The following SCHIP1 variants were observed in gnomAD, a reference collection of about 807,000 sequenced individuals.
The protein encoded by SCHIP1 is schwannomin-interacting protein 1.
A neutral mutation model predicts 29.7 loss-of-function variants in SCHIP1; 8 were observed. That is an observed-to-expected ratio of 0.27 (90% confidence interval 0.16 to 0.49). The LOEUF (loss-of-function observed/expected upper bound fraction) is 0.49. SCHIP1 is among the 20% of genes least tolerant of loss of function. SCHIP1 has a pLI of 0.99. For missense variants in SCHIP1, 193 were observed against 294.6 expected (o/e 0.66, Z 2.52); for synonymous variants, 76 against 94.9 (o/e 0.80, Z 1.16).
the SCHIP1 span, among the ~76,000 whole-genome samples, chr3:159,569,888 T>C: frequency 6.6e-6 from 1 of 152,216 alleles, no homozygotes; most frequent in South Asian, 2.1e-4. Context: ...TATCTCAGTG[T>C]GGTTTTGATT....
chr3:159,392,820 A>G, the SCHIP1 span, among the ~76,000 whole-genome samples: 1 of 152,276 alleles, frequency 6.6e-6, no homozygotes, highest in African/African-American at 2.4e-5. Context: ...TCCTTTGGGT[A>G]TATACCCAGT....
the SCHIP1 span, among the ~76,000 whole-genome samples, chr3:159,287,043 C>A: frequency 6.6e-6 from 1 of 152,018 alleles, no homozygotes; most frequent in Admixed American, 6.6e-5. Context: ...GTGATAGTTT[C>A]TTTTACTGTG....
chr3:159,433,578 T>G, the SCHIP1 span, among the ~76,000 whole-genome samples: 3 of 152,158 alleles, frequency 2.0e-5, no homozygotes, highest in Non-Finnish European at 4.4e-5. Flanking sequence ...AAATATGGTC[T>G]TTGGAGCCAG....
At chr3:159,786,376 T>G in the SCHIP1 span, among the ~76,000 whole-genome samples, 2 of 152,232 alleles carry the variant, frequency 1.3e-5, no homozygotes, top group East Asian at 3.8e-4. Context: ...CTTCAAAGTA[T>G]AATGAAATTA....
the SCHIP1 span, among the ~76,000 whole-genome samples, chr3:159,551,109 T>C: frequency 2.0e-5 from 3 of 152,134 alleles, no homozygotes; most frequent in Non-Finnish European, 2.9e-5. Context: ...TCTGTACAGA[T>C]GGATGGCTAA....
At chr3:159,745,621 A>G in the SCHIP1 span, among the ~76,000 whole-genome samples, 1 of 152,144 alleles carries the variant, frequency 6.6e-6, no homozygotes, top group Non-Finnish European at 1.5e-5. Context: ...AGTTTATTTC[A>G]TAGCTTATGT....
chr3:159,888,788 A>G, intron 4 of SCHIP1, 32 bp from the exon 6 acceptor site: 1 of 1,611,424 alleles, frequency 6.2e-7, no homozygotes. Context: ...GGCTCTGTTC[A>G]CTCCTCCATT....
the SCHIP1 span, among the ~76,000 whole-genome samples, chr3:159,554,359 C>T: frequency 3.9e-5 from 6 of 152,010 alleles, no homozygotes; most frequent in Non-Finnish European, 8.8e-5. Context: ...TAAGTGAGGG[C>T]AGTGGAAAGA....
chr3:159,448,220 T>C, the SCHIP1 span, among the ~76,000 whole-genome samples: 3,765 of 152,306 alleles, frequency 0.025, 160 homozygotes, highest in African/African-American at 0.086. Flanking sequence ...ACGCCTGTGA[T>C]CCCAGCACTT....
chr3:159,840,137 C>A, exon 1 of SCHIP1: 2 of 1,534,096 alleles, frequency 1.3e-6, no homozygotes, highest in Non-Finnish European at 1.7e-6. Context: ...CCTCCGCAGC[C>A]TCGCTCAGCA....
chr3:159,317,581 A>G, the SCHIP1 span, among the ~76,000 whole-genome samples: 1 of 152,188 alleles, frequency 6.6e-6, no homozygotes, highest in African/African-American at 2.4e-5. Flanking sequence ...AGCCCTGCAA[A>G]GTATTGTCAC....
the SCHIP1 span, among the ~76,000 whole-genome samples, chr3:159,738,061 A>G: frequency 6.6e-6 from 1 of 152,178 alleles, no homozygotes; most frequent in African/African-American, 2.4e-5. Flanking sequence ...AGGTAAAGTT[A>G]AGTTTTTGAG....
At chr3:159,734,499 T>C in the SCHIP1 span, among the ~76,000 whole-genome samples, 1 of 152,128 alleles carries the variant, frequency 6.6e-6, no homozygotes, top group Admixed American at 6.6e-5. Flanking sequence ...AAGATGTGTC[T>C]TCCCAAACAT....
At chr3:159,668,030 A>G in the SCHIP1 span, among the ~76,000 whole-genome samples, 1 of 152,262 alleles carries the variant, frequency 6.6e-6, no homozygotes, top group African/African-American at 2.4e-5. Flanking sequence ...TAGAACACTT[A>G]GCAACAGCCA....
chr3:159,660,508 T>G, the SCHIP1 span, among the ~76,000 whole-genome samples: 1 of 152,142 alleles, frequency 6.6e-6, no homozygotes, highest in Non-Finnish European at 1.5e-5. Flanking sequence ...TATACATATA[T>G]ACACATACAG....
the SCHIP1 span, among the ~76,000 whole-genome samples, chr3:159,292,000 G>T: frequency 6.6e-6 from 1 of 152,064 alleles, no homozygotes; most frequent in South Asian, 2.1e-4. Context: ...AACAAACCAA[G>T]ACAATTAGAA....
At chr3:159,836,200 G>T (rs959666909), upstream of SCHIP1, among the ~76,000 whole-genome samples, 2 of 152,160 alleles carry the variant, frequency 1.3e-5, no homozygotes, top group African/African-American at 4.8e-5. Flanking sequence ...ATAAACAACA[G>T]AAATGTATTT....
the SCHIP1 span, among the ~76,000 whole-genome samples, chr3:159,667,545 T>C: frequency 6.6e-6 from 1 of 152,006 alleles, no homozygotes; most frequent in Admixed American, 6.6e-5. Context: ...GGTGACAGGA[T>C]GAGGGAGGCT....
chr3:159,398,280 C>G, the SCHIP1 span, among the ~76,000 whole-genome samples: 2 of 152,110 alleles, frequency 1.3e-5, no homozygotes, highest in African/African-American at 4.8e-5. Context: ...AGAAATCACC[C>G]GTCTTCTGCG....
Sources: gnomAD v4.1 joint callset for allele counts (sites outside exome capture counted in the v4.1 genomes callset) on GRCh38, gnomAD v4.1.1 for gene constraint, MANE v1.5 for transcripts, NCBI Gene and HGNC (gene_info 2026-07-23, HGNC 2026-07-21) for gene names.